CHCHD3: variants seen among roughly 807,000 people sequenced by gnomAD.
The protein encoded by CHCHD3 is coiled-coil-helix-coiled-coil-helix domain containing 3, also known as MICOS complex subunit MIC19.
Under a neutral mutation model 38.2 loss-of-function variants are expected in CHCHD3, and 20 were observed. That is an observed-to-expected ratio of 0.52 (90% CI 0.37 to 0.76). The LOEUF (loss-of-function observed/expected upper bound fraction) is 0.76, where lower values mean the gene tolerates loss of function less well. Ranked by LOEUF, CHCHD3 falls within the 30% of genes least tolerant of loss-of-function variation. The pLI, the probability that CHCHD3 is intolerant of heterozygous loss-of-function variation, is 0.00. For synonymous variants in CHCHD3, 82 were observed against 100.0 expected, an observed-to-expected ratio of 0.82 and a Z score of 1.07; for missense variants, 245 against 279.2, an observed-to-expected ratio of 0.88 and a Z score of 0.87.
At chr7:132,963,524 C>T (rs191807276) in intron 4 of CHCHD3, among the ~76,000 whole-genome samples, 1,620 of 150,722 alleles carry the variant, frequency 0.011, 16 homozygotes, top group South Asian at 0.073. Context: ...CCCAGCTACT[C>T]GCGAGGCTGA....
At chr7:132,965,120 C>T (rs968391889) in intron 4 of CHCHD3, among the ~76,000 whole-genome samples, 1 of 150,858 alleles carries the variant, frequency 6.6e-6, no homozygotes, top group Non-Finnish European at 1.5e-5. Context: ...ACATGCATGG[C>T]GATTAGTTGC....
chr7:132,837,311 A>G lies in CHCHD3; in HGVS notation c.524+1088T>C, dbSNP rs77106270. Among the ~76,000 whole-genome samples the G allele has an allele frequency of 1.6e-3, 247 of 152,332 alleles. 1 individual carries two copies. The highest frequency in any genetic ancestry group is 5.7e-3 in the African/African-American group (239 of 41,584). ...AAATAAACACCTAACTTAAAATAAT[A>G]TATGTAGAGTAACTTAAAAAATCTA... is the stretch of plus-strand genomic sequence containing the variant. On this transcript the variant is annotated intron_variant, in intron 6 of 7. Transcript: ENST00000262570.
intron 5 of CHCHD3, among the ~76,000 whole-genome samples, chr7:132,879,450 T>C (rs1218980892): frequency 6.6e-6 from 1 of 152,004 alleles, no homozygotes; most frequent in African/African-American, 2.4e-5. Context: ...AGCAAATCAA[T>C]TCAAATTCAT....
chr7:132,923,087 T>C (rs1284057763), intron 4 of CHCHD3, among the ~76,000 whole-genome samples: 1 of 152,212 alleles, frequency 6.6e-6, no homozygotes, highest in Non-Finnish European at 1.5e-5. Flanking sequence ...CTTGCTCTTA[T>C]AGGCACAAAG....
intron 3 of CHCHD3, among the ~76,000 whole-genome samples, chr7:133,003,900 G>A (rs1812635172): frequency 6.6e-6 from 1 of 151,654 alleles, no homozygotes; most frequent in South Asian, 2.1e-4. Context: ...GGGTCCTGAT[G>A]AAAATAATTT....
At chr7:132,953,857 T>C (rs886506584) in intron 4 of CHCHD3, among the ~76,000 whole-genome samples, 5 of 152,186 alleles carry the variant, frequency 3.3e-5, no homozygotes, top group African/African-American at 1.2e-4. Flanking sequence ...TCCCAGTTTA[T>C]GTGTGTTGTC....
intron 4 of CHCHD3, among the ~76,000 whole-genome samples, chr7:132,963,934 A>G (rs1280280204): frequency 6.6e-6 from 1 of 152,204 alleles, no homozygotes; most frequent in Non-Finnish European, 1.5e-5. Flanking sequence ...TTATACAACT[A>G]CATCCCCAAT....
intron 2 of CHCHD3, among the ~76,000 whole-genome samples, chr7:133,043,338 A>G (rs1463002854): frequency 6.6e-6 from 1 of 151,910 alleles, no homozygotes; most frequent in Non-Finnish European, 1.5e-5. Context: ...TAACTGTTAC[A>G]GTTTCAAAAA....
At chr7:132,825,643 G>A (rs375792441) in intron 6 of CHCHD3, among the ~76,000 whole-genome samples, 10 of 152,358 alleles carry the variant, frequency 6.6e-5, no homozygotes, top group African/African-American at 2.2e-4. Context: ...GAGGTGTTAC[G>A]AATGTAAATC....
intron 5 of CHCHD3, among the ~76,000 whole-genome samples, chr7:132,865,715 G>A (rs752535914): frequency 6.6e-6 from 1 of 152,150 alleles, no homozygotes; most frequent in Non-Finnish European, 1.5e-5. Context: ...AGAGCTTCCT[G>A]CTTCTAACGA....
At chr7:133,072,147 G>C (rs150043021) in intron 1 of CHCHD3, among the ~76,000 whole-genome samples, 209 of 149,538 alleles carry the variant, frequency 1.4e-3, no homozygotes, top group African/African-American at 4.7e-3. Flanking sequence ...TCCAGCTTGG[G>C]CAACAGAGCA....
chr7:132,950,442 C>T (rs566285064), intron 4 of CHCHD3, among the ~76,000 whole-genome samples: 1 of 152,074 alleles, frequency 6.6e-6, no homozygotes, highest in African/African-American at 2.4e-5. Context: ...AAATAACGAG[C>T]CTAATATTTA....
intron 1 of CHCHD3, among the ~76,000 whole-genome samples, chr7:133,070,785 T>G (rs950228463): frequency 2.0e-5 from 3 of 152,118 alleles, no homozygotes; most frequent in African/African-American, 7.2e-5. Flanking sequence ...TAAACAACCA[T>G]CAGGCATTTA....
intron 3 of CHCHD3, among the ~76,000 whole-genome samples, chr7:133,018,860 A>G (rs796659977): frequency 2.9e-5 from 4 of 138,948 alleles, no homozygotes; most frequent in East Asian, 4.4e-4. Context: ...GCACCATGCT[A>G]GTTGCATGAT....
chr7:132,837,080 C>T (rs1807803639), intron 6 of CHCHD3, among the ~76,000 whole-genome samples: 1 of 152,210 alleles, frequency 6.6e-6, no homozygotes, highest in Non-Finnish European at 1.5e-5. Flanking sequence ...TTCTTAAAGG[C>T]TCAACTAAAA....
intron 5 of CHCHD3, among the ~76,000 whole-genome samples, chr7:132,864,528 G>C (rs1234588514): frequency 6.6e-6 from 1 of 152,162 alleles, no homozygotes; most frequent in Non-Finnish European, 1.5e-5. Context: ...GTGAGCACAT[G>C]CTTTGGGAAA....
At chr7:132,908,241 G>C (rs1010270682) in intron 4 of CHCHD3, among the ~76,000 whole-genome samples, 1 of 152,122 alleles carries the variant, frequency 6.6e-6, no homozygotes, top group Admixed American at 6.5e-5. Context: ...CCACGGTGCA[G>C]GAAAACGTAA....
intron 5 of CHCHD3, among the ~76,000 whole-genome samples, chr7:132,857,841 T>A (rs1209665737): frequency 6.6e-6 from 1 of 152,170 alleles, no homozygotes; most frequent in African/African-American, 2.4e-5. Flanking sequence ...TACCCCTGTG[T>A]TGAAAGAATC....
intron 4 of CHCHD3, among the ~76,000 whole-genome samples, chr7:132,934,551 G>A (rs1001998208): frequency 5.3e-5 from 8 of 152,094 alleles, no homozygotes; most frequent in South Asian, 4.1e-4. Context: ...TTTAATGACC[G>A]TCTTTCCCAC....
Sources: gnomAD v4.1 joint callset for allele counts (sites outside exome capture counted in the v4.1 genomes callset) on GRCh38, gnomAD v4.1.1 for gene constraint, MANE v1.5 for transcripts, NCBI Gene and HGNC (gene_info 2026-07-23, HGNC 2026-07-21) for gene names.